Variants in PACSIN2 observed in about 807,000 individuals in gnomAD.
PACSIN2 encodes the protein protein kinase C and casein kinase substrate in neurons protein 2.
Under a neutral mutation model 63.8 loss-of-function variants are expected in PACSIN2, and 25 were observed. That is an observed-to-expected ratio of 0.39 (90% CI 0.29 to 0.55). The LOEUF (loss-of-function observed/expected upper bound fraction) is 0.55. Ranked by LOEUF, PACSIN2 falls within the 20% of genes least tolerant of loss-of-function variation. The pLI is 0.62. For missense variants in PACSIN2, 518 were observed against 646.9 expected (o/e 0.80, Z 2.16); for synonymous variants, 255 against 256.2 (o/e 1.00, Z 0.05).
intron 1 of PACSIN2, among the ~76,000 whole-genome samples, chr22:43,004,791 C>T (rs1321523256): frequency 6.6e-6 from 1 of 152,232 alleles, no homozygotes; most frequent in African/African-American, 2.4e-5. Context: ...CAGGCAGAGG[C>T]CCCGTCACAG....
intron 2 of PACSIN2, among the ~76,000 whole-genome samples, chr22:42,907,998 C>T (rs530839151): frequency 3.3e-5 from 5 of 152,314 alleles, no homozygotes; most frequent in Admixed American, 6.5e-5. Flanking sequence ...TGGCAGGGAA[C>T]GGTAAATGTT....
intron 1 of PACSIN2, among the ~76,000 whole-genome samples, chr22:42,982,880 A>C (rs1179601952): frequency 7.5e-6 from 1 of 134,012 alleles, no homozygotes; most frequent in Non-Finnish European, 1.6e-5. Context: ...AAAAAAAAAA[A>C]AAAAAAAAAA....
At position 42,882,324 on chromosome 22, in the gene PACSIN2, G is replaced by A; in HGVS notation, c.786-20C>T. On this transcript the variant is annotated intron_variant, in intron 6 of 10. Transcript: ENST00000263246. ...TTGTAGCTAAATCAGAGAGAAACGTGGCTCTTTTAGAAGGCAGGGGCCAGC... is the reference window on the plus strand; with the variant it reads ...TTGTAGCTAAATCAGAGAGAAACGTAGCTCTTTTAGAAGGCAGGGGCCAGC... 1 of 1,596,638 alleles carries A rather than the reference G, an allele frequency of 6.3e-7. No individual in the cohort carries two copies. The highest frequency in any genetic ancestry group is 8.5e-7 in the Non-Finnish European group (1 of 1,170,034).
intron 1 of PACSIN2, among the ~76,000 whole-genome samples, chr22:42,952,444 T>G (rs1213458169): frequency 2.6e-5 from 4 of 151,340 alleles, no homozygotes. Context: ...CAGCAGCCTC[T>G]GCCTCCTTGG....
intron 2 of PACSIN2, among the ~76,000 whole-genome samples, chr22:42,898,604 C>T (rs1930459258): frequency 6.6e-6 from 1 of 152,046 alleles, no homozygotes; most frequent in Non-Finnish European, 1.5e-5. Context: ...CCGGAGGCCG[C>T]TCTCCTGCCT....
At position 42,912,044 on chromosome 22, in the gene PACSIN2, C is replaced by T; in HGVS notation, c.37G>A (p.Val13Met). ...VTYDDSVGVEVSSDSFWEVGN... is the reference protein window; with the variant it reads ...VTYDDSVGVEMSSDSFWEVGN... Reference sequence around the variant, plus strand: ...ACCTCCCAGAAGCTGTCGCTGGACACTTCTACTCCAACGGAATCATCATAT... The same window carrying T: ...ACCTCCCAGAAGCTGTCGCTGGACATTTCTACTCCAACGGAATCATCATAT... The change falls in exon 2 of 11, where the codon GTG (valine) becomes ATG (methionine). Residue 13 changes from valine (V) to methionine (M), a missense_variant. This residue lies in a region of PACSIN2 where 507 missense variants were observed against 612.3 expected (regional missense o/e 0.83). Coordinates refer to ENST00000263246, the MANE Select transcript of PACSIN2 (RefSeq NM_001184970.3). The T allele has an allele frequency of 6.2e-7, 1 of 1,606,690 alleles. No homozygotes were observed. The highest frequency in any genetic ancestry group is 8.5e-7 in the Non-Finnish European group (1 of 1,177,226).
chr22:42,915,844 T>C (rs1246810295), intron 1 of PACSIN2, among the ~76,000 whole-genome samples: 1 of 152,216 alleles, frequency 6.6e-6, no homozygotes, highest in Admixed American at 6.5e-5. Context: ...GCACATCTTA[T>C]ACAAGGTCTC....
chr22:42,926,628 T>G (rs1381435613), intron 1 of PACSIN2, among the ~76,000 whole-genome samples: 1 of 151,788 alleles, frequency 6.6e-6, no homozygotes, highest in Non-Finnish European at 1.5e-5. Flanking sequence ...AAAACACATC[T>G]TGTTTCACTC....
chr22:43,001,294 G>A (rs1469993018), intron 1 of PACSIN2, among the ~76,000 whole-genome samples: 1 of 152,196 alleles, frequency 6.6e-6, no homozygotes, highest in Admixed American at 6.5e-5. Context: ...GATGACCAGA[G>A]GCTTCCATGA....
Position 43,005,382 on chromosome 22 carries a change from T to G in PACSIN2, c.-78+9639A>C, listed in dbSNP as rs149322964. On this transcript the variant is annotated intron_variant, in intron 1 of 10. Coordinates refer to ENST00000263246, the MANE Select transcript of PACSIN2 (RefSeq NM_001184970.3). ...CAGAAGAGAGCAAGGCCTCTCTGCA[T>G]GGCAAGGCTGCCCTCAAAACCCAGG... 2.3e-4 allele frequency among the ~76,000 whole-genome samples: 35 copies of G among 152,312 alleles called. No individual in the cohort carries two copies. The East Asian group carries it at 6.6e-3, about 29-fold the overall frequency.
chr22:42,987,594 C>T (rs1030545622), intron 1 of PACSIN2, among the ~76,000 whole-genome samples: 9 of 126,576 alleles, frequency 7.1e-5, no homozygotes, highest in Non-Finnish European at 1.4e-4. Flanking sequence ...TGCAGTGGTG[C>T]AATCTCGGCT....
At chr22:42,911,958 A>G in intron 2 of PACSIN2, 63 bp downstream of exon 2, 2 of 1,283,686 alleles carry the variant, frequency 1.6e-6, no homozygotes, top group Non-Finnish European at 2.2e-6. Flanking sequence ...AAAAAAACCA[A>G]AGGGCCTGCC....
chr22:43,010,975 CA>C (rs1924451411), intron 1 of PACSIN2, among the ~76,000 whole-genome samples: 1 of 152,076 alleles, frequency 6.6e-6, no homozygotes, highest in Non-Finnish European at 1.5e-5. Flanking sequence ...GCAGAGATAC[CA>C]AAAAATGATG....
intron 1 of PACSIN2, among the ~76,000 whole-genome samples, chr22:43,012,771 G>A (rs1924588089): frequency 6.6e-6 from 1 of 151,974 alleles, no homozygotes; most frequent in Non-Finnish European, 1.5e-5. Context: ...TCCTTCCTCA[G>A]CCTCCCAAGT....
At chr22:42,895,950 C>T (rs1480882671) in intron 2 of PACSIN2, among the ~76,000 whole-genome samples, 1 of 152,194 alleles carries the variant, frequency 6.6e-6, no homozygotes, top group African/African-American at 2.4e-5. Flanking sequence ...AGCAATGTGG[C>T]CTTTCCACTT....
chr22:42,991,263 C>A (rs1179282638), intron 1 of PACSIN2, among the ~76,000 whole-genome samples: 3 of 152,148 alleles, frequency 2.0e-5, no homozygotes, highest in African/African-American at 7.2e-5. Flanking sequence ...CCCATCCACC[C>A]CAGTCATAAA....
intron 1 of PACSIN2, among the ~76,000 whole-genome samples, chr22:42,958,021 C>T (rs940944688): frequency 6.6e-6 from 1 of 151,612 alleles, no homozygotes; most frequent in African/African-American, 2.4e-5. Context: ...GCAAATGGTA[C>T]TTACAGCAAA....
At chr22:42,985,139 G>T (rs1922514286) in intron 1 of PACSIN2, among the ~76,000 whole-genome samples, 1 of 152,206 alleles carries the variant, frequency 6.6e-6, no homozygotes. Flanking sequence ...GACCAGCCTG[G>T]CCAACATGCG....
intron 1 of PACSIN2, among the ~76,000 whole-genome samples, chr22:42,982,071 A>C (rs1452545806): frequency 1.1e-5 from 1 of 90,966 alleles, no homozygotes; most frequent in Non-Finnish European, 2.2e-5. Flanking sequence ...GGCCGCCCCT[A>C]CTGGGAAGTG....
Sources: allele counts gnomAD v4.1 joint callset (sites outside exome capture counted in the v4.1 genomes callset), GRCh38; gene constraint gnomAD v4.1.1; regional missense constraint gnomAD v4.1.1; transcripts MANE v1.5; gene names NCBI Gene and HGNC (gene_info 2026-07-23, HGNC 2026-07-21).